The following BRWD1 variants were observed in gnomAD, a reference collection of about 807,000 sequenced individuals.
BRWD1 encodes bromodomain and WD repeat-containing protein 1.
BRWD1 carries 82 observed loss-of-function variants against 251.2 expected under a neutral mutation model. The ratio of observed to expected loss-of-function variants is 0.33; its 90% CI spans 0.27 to 0.39. The LOEUF (loss-of-function observed/expected upper bound fraction) is 0.39. Among genes scored for constraint, BRWD1 ranks in the 10% least tolerant of loss-of-function variants. The pLI, the probability that BRWD1 is intolerant of heterozygous loss-of-function variation, is 1.00. For missense variants in BRWD1, 2,233 were observed against 2,711.6 expected, an observed-to-expected ratio of 0.82 and a Z score of 3.92; for synonymous variants, 918 against 902.8, an observed-to-expected ratio of 1.02 and a Z score of -0.30.
chr21:39,268,221 T>C (rs1601422222), intron 15 of BRWD1, among the ~76,000 whole-genome samples: 1 of 152,140 alleles, frequency 6.6e-6, no homozygotes, highest in African/African-American at 2.4e-5. Context: ...GGGTGATCAC[T>C]TGAAGTCAGG....
In BRWD1 at chr21:39,198,940, C is replaced by G. The variant is rs961912832; in HGVS notation, c.5476G>C (p.Glu1826Gln). The change falls in exon 40 of 41, where the codon GAA (glutamate) becomes CAA (glutamine). Residue 1826 changes from glutamate (E) to glutamine (Q), a missense_variant. Physicochemically the swap from Glu to Gln is conservative, Grantham distance 29 (BLOSUM62 2). Coordinates refer to ENST00000342449, the MANE Select transcript of BRWD1 (RefSeq NM_033656.4). ...TCTTCTCTATCTTGCTCTTCAGATT[C>G]AGAGTCTTCTGAGTCACTCAGAATC... ...TKILSDSEDSESEEQDREDGK... is the reference protein window; with the variant it reads ...TKILSDSEDSQSEEQDREDGK... 2.5e-6 allele frequency: 4 copies of G among 1,614,078 alleles called. No individual in the cohort carries two copies. The East Asian group carries it at 8.9e-5, about 36-fold the overall frequency.
intron 4 of BRWD1, among the ~76,000 whole-genome samples, chr21:39,308,795 A>C (rs114882064): frequency 5.1e-4 from 77 of 152,362 alleles, no homozygotes; most frequent in African/African-American, 1.8e-3. Context: ...TACAGAATGT[A>C]AAACATTCTA....
chr21:39,277,575 T>A (rs529677526), intron 10 of BRWD1, among the ~76,000 whole-genome samples: 8 of 152,220 alleles, frequency 5.3e-5, no homozygotes, highest in Admixed American at 5.2e-4. Flanking sequence ...CTCCTCCTGT[T>A]TTTTTTGAGA....
At chr21:39,227,010 T>C (rs146964249) in intron 27 of BRWD1, among the ~76,000 whole-genome samples, 67 of 152,070 alleles carry the variant, frequency 4.4e-4, no homozygotes, top group African/African-American at 1.4e-3. Context: ...AGAATTTACA[T>C]GTTTGTATGC....
At chr21:39,207,451 A>AACACACCCACACAC (rs2032451010) in intron 36 of BRWD1, among the ~76,000 whole-genome samples, 1 of 131,288 alleles carries the variant, frequency 7.6e-6, no homozygotes, top group Non-Finnish European at 1.6e-5. Context: ...AAAAAAAGAA[A>AACACACCCACACAC]ACACACACAC....
rs2031340367 is a variant in BRWD1 at position 39,187,976 on chromosome 21, A to G, written c.*8283T>C. 1 of 985,170 alleles carries G rather than the reference A, an allele frequency of 1.0e-6. No homozygotes were observed. Among genetic ancestry groups the G allele is most frequent in the Non-Finnish European group, 1.2e-6 (1 of 829,882 alleles). 61.0% of individuals were successfully genotyped at this position (985,170 alleles called of 1,614,324 possible). On this transcript the variant is annotated 3_prime_UTR_variant, in exon 41 of 41. Coordinates refer to ENST00000342449, the MANE Select transcript of BRWD1 (RefSeq NM_033656.4). ...ATTTGCCAGACAAAAAGCACTTTGG[A>G]GAGTTAACTACTTCATGCAGACTAA...
chr21:39,185,310 A>AC (rs1189642407), downstream of BRWD1: 1 of 150,564 alleles, frequency 6.6e-6, no homozygotes, highest in Non-Finnish European at 1.5e-5. Context: ...AAAAAAAAAA[A>AC]AAAAAAAAAA....
In BRWD1 at chr21:39,238,321, A is replaced by G. The variant is rs148671964; in HGVS notation, c.2576+158T>C. On this transcript the variant is annotated intron_variant, in intron 22 of 40. Coordinates refer to ENST00000342449, the MANE Select transcript of BRWD1 (RefSeq NM_033656.4). ...AAAAAAAAACTCCTGAAATACTCCTATAGGAACAGCTGTTGGATCTAGTTT... is the reference window on the plus strand; with the variant it reads ...AAAAAAAAACTCCTGAAATACTCCTGTAGGAACAGCTGTTGGATCTAGTTT... 2.9e-3 allele frequency among the ~76,000 whole-genome samples: 435 copies of G among 150,254 alleles called. 5 individuals carry two copies. The highest frequency in any genetic ancestry group is 0.01 in the African/African-American group (410 of 40,890).
At chr21:39,262,406 G>A (rs967339488) in intron 17 of BRWD1, among the ~76,000 whole-genome samples, 23 of 152,168 alleles carry the variant, frequency 1.5e-4, no homozygotes, top group Non-Finnish European at 4.4e-5. Flanking sequence ...CTAAGTCAAA[G>A]AAGCCAGACA....
Position 39,270,429 on chromosome 21 carries a change from AGTCCCT to A in BRWD1, c.1245-2_1248del. The A allele has an allele frequency of 6.2e-7, 1 of 1,602,606 alleles. No individual in the cohort carries two copies. The highest frequency in any genetic ancestry group is 1.3e-5 in the African/African-American group (1 of 74,538). On this transcript the variant is annotated splice_acceptor_variant and coding_sequence_variant, in exon 14 of 41. Coordinates refer to ENST00000342449, the MANE Select transcript of BRWD1 (RefSeq NM_033656.4). LOFTEE classifies it high-confidence loss of function. ...ATAAACCTTTCCTCTTCGGAAGATAAGTCCCTAACAAAAAAATACACAACATGTAAA... is the reference window on the plus strand; with the variant it reads ...ATAAACCTTTCCTCTTCGGAAGATAAAACAAAAAAATACACAACATGTAAA...
At chr21:39,213,075 T>A (rs1484944735) in intron 33 of BRWD1, among the ~76,000 whole-genome samples, 1 of 152,154 alleles carries the variant, frequency 6.6e-6, no homozygotes, top group African/African-American at 2.4e-5. Context: ...AGTACAGGCA[T>A]GCACTACCAC....
chr21:39,287,404 C>T (rs1281226142), intron 8 of BRWD1, among the ~76,000 whole-genome samples: 1 of 152,134 alleles, frequency 6.6e-6, no homozygotes, highest in Non-Finnish European at 1.5e-5. Context: ...GGGAGATTAG[C>T]GCCAAACATT....
At chr21:39,240,763 T>C (rs570833512) in intron 21 of BRWD1, among the ~76,000 whole-genome samples, 1 of 152,362 alleles carries the variant, frequency 6.6e-6, no homozygotes, top group East Asian at 1.9e-4. Context: ...ATCTGTAGTA[T>C]GCTGTATTTT....
intron 11 of BRWD1, 57 bp from the exon 12 acceptor site, chr21:39,276,270 G>T: frequency 1.3e-6 from 2 of 1,495,756 alleles, no homozygotes; most frequent in South Asian, 2.5e-5. Context: ...CTGTGAATTT[G>T]AAAAAATGAA....
At position 39,312,592 on chromosome 21, in the gene BRWD1, G is replaced by A. The variant is rs560351381; in HGVS notation, c.198+249C>T. ...CCGCACCTGGAGCCCCACCCCTGCC[G>A]CAGGACCTCCGCGAGTCGCCCCCAC... On this transcript the variant is annotated intron_variant, in intron 4 of 40. Coordinates refer to ENST00000342449, the MANE Select transcript of BRWD1 (RefSeq NM_033656.4). 4.6e-4 allele frequency: 162 copies of A among 355,164 alleles called. No individual in the cohort carries two copies. In the South Asian group the frequency reaches 5.3e-3, roughly 12 times the overall value. 22.0% of individuals were successfully genotyped at this position (355,164 alleles called of 1,614,324 possible).
intron 18 of BRWD1, 122 bp from the exon 19 acceptor site, chr21:39,255,950 A>T: frequency 1.1e-6 from 1 of 873,984 alleles, no homozygotes; most frequent in East Asian, 2.7e-5. Context: ...AGAAGATAGT[A>T]TCTACTGAAA....
intron 8 of BRWD1, among the ~76,000 whole-genome samples, chr21:39,280,875 T>C (rs905819403): frequency 2.0e-5 from 3 of 152,182 alleles, no homozygotes; most frequent in African/African-American, 7.2e-5. Flanking sequence ...ACACAGGAAC[T>C]ATACTGCAGC....
intron 26 of BRWD1, 70 bp downstream of exon 26, chr21:39,229,242 T>G: frequency 7.5e-7 from 1 of 1,340,208 alleles, no homozygotes; most frequent in Non-Finnish European, 1.0e-6. Flanking sequence ...GGGAAGGGCA[T>G]GCTAATCATT....
At chr21:39,275,458 T>A (rs919273996) in intron 12 of BRWD1, among the ~76,000 whole-genome samples, 1 of 152,204 alleles carries the variant, frequency 6.6e-6, no homozygotes, top group Non-Finnish European at 1.5e-5. Flanking sequence ...TCTAAAAACT[T>A]ACATTTCATG....
Sources: gnomAD v4.1 joint callset for allele counts (sites outside exome capture counted in the v4.1 genomes callset) on GRCh38, gnomAD v4.1.1 for gene constraint, MANE v1.5 for transcripts, NCBI Gene and HGNC (gene_info 2026-07-23, HGNC 2026-07-21) for gene names.